The following ABHD12 variants were observed in gnomAD, a reference collection of about 807,000 sequenced individuals.
ABHD12 encodes the protein lysophosphatidylserine lipase ABHD12.
Under a neutral mutation model 58.3 loss-of-function variants are expected in ABHD12, and 43 were observed. That is an observed-to-expected ratio of 0.74 (90% CI 0.58 to 0.95). ABHD12 has a LOEUF of 0.95. Ranked by LOEUF, ABHD12 falls within the 40% of genes least tolerant of loss-of-function variation. The pLI is 0.00. For synonymous variants in ABHD12, 219 were observed against 211.2 expected (o/e 1.04, Z -0.32); for missense variants, 539 against 537.2 (o/e 1.00, Z -0.03).
chr20:25,377,767 G>A (rs1005792215), intron 1 of ABHD12, among the ~76,000 whole-genome samples: 22 of 152,096 alleles, frequency 1.4e-4, no homozygotes, highest in African/African-American at 4.8e-4. Context: ...GCGTGATCTC[G>A]GCTCACTGCA....
At chr20:25,369,911 TTC>T (rs1385446000) in intron 1 of ABHD12, among the ~76,000 whole-genome samples, 5 of 140,150 alleles carry the variant, frequency 3.6e-5, no homozygotes, top group African/African-American at 1.4e-4. Context: ...AAGACCCTGT[TTC>T]TCTGTCTCTG....
chr20:25,312,258 C>T (rs1006650691), intron 6 of ABHD12, among the ~76,000 whole-genome samples: 16 of 152,224 alleles, frequency 1.1e-4, no homozygotes, highest in African/African-American at 2.4e-4. Context: ...GCCGCCATCT[C>T]GGCTCACTGC....
rs752583566 is a variant in ABHD12, at chr20:25,306,926, G to C, written c.868-11C>G. On this transcript the variant is annotated splice_polypyrimidine_tract_variant and intron_variant, in intron 9 of 12. Coordinates refer to ENST00000339157, the MANE Select transcript of ABHD12 (RefSeq NM_001042472.3). ...GAAGTATCGATATATCTGGAGACAA[G>C]ATGGAAACCATTTTCAGAAGCGTTG... 6.3e-7 allele frequency: 1 copy of C among 1,590,308 alleles called. No homozygotes were observed. Among genetic ancestry groups the C allele is most frequent in the African/African-American group, 1.3e-5 (1 of 74,576 alleles).
Position 25,300,670 on chromosome 20 carries a change from G to A in ABHD12, c.*175C>T, listed in dbSNP as rs1156431071. On this transcript the variant is annotated 3_prime_UTR_variant, in exon 13 of 13. Coordinates refer to ENST00000339157, the MANE Select transcript of ABHD12 (RefSeq NM_001042472.3). ...CACACAGCCATGCTCAGGCCTCCGG[G>A]CACTGCAGGCCTGCAGGGGCCTCCC... 1.3e-6 allele frequency: 2 copies of A among 1,516,644 alleles called. No individual in the cohort carries two copies. Among genetic ancestry groups the A allele is most frequent in the Non-Finnish European group, 1.8e-6 (2 of 1,136,402 alleles). The allele number at this position is 1,516,644 out of a possible 1,614,324, so 93.9% of individuals were successfully genotyped here.
At chr20:25,345,208 C>T (rs1253536909) in intron 1 of ABHD12, among the ~76,000 whole-genome samples, 2 of 152,054 alleles carry the variant, frequency 1.3e-5, no homozygotes, top group Non-Finnish European at 2.9e-5. Flanking sequence ...GCCTCAGCCT[C>T]CTGAGCAGCT....
chr20:25,385,731 TAGAC>T (rs1329652811), intron 1 of ABHD12, among the ~76,000 whole-genome samples: 2 of 152,114 alleles, frequency 1.3e-5, no homozygotes, highest in African/African-American at 2.4e-5. Context: ...GCACCAGGCT[TAGAC>T]AGTTTTACAA....
chr20:25,296,396 C>T, downstream of ABHD12: 1 of 1,614,090 alleles, frequency 6.2e-7, no homozygotes, highest in Non-Finnish European at 8.5e-7. Context: ...CCAAGAAGGT[C>T]ATCAGGAACA....
At chr20:25,316,246 G>A (rs2088959723) in intron 5 of ABHD12, among the ~76,000 whole-genome samples, 2 of 152,084 alleles carry the variant, frequency 1.3e-5, no homozygotes, top group Non-Finnish European at 2.9e-5. Flanking sequence ...TGCAACCTCC[G>A]CCTCCCAGGT....
intron 1 of ABHD12, among the ~76,000 whole-genome samples, chr20:25,364,017 A>G (rs778402142): frequency 2.9e-4 from 44 of 152,198 alleles, no homozygotes; most frequent in Non-Finnish European, 2.1e-4. Flanking sequence ...CTAAGCCCTA[A>G]GGCTCCTTGT....
At chr20:25,326,629 T>C (rs2089181277) in intron 2 of ABHD12, among the ~76,000 whole-genome samples, 1 of 152,192 alleles carries the variant, frequency 6.6e-6, no homozygotes, top group Non-Finnish European at 1.5e-5. Flanking sequence ...TTTATGCAAA[T>C]AATCAGGCCA....
chr20:25,317,728 G>T (rs1003626304), intron 4 of ABHD12, among the ~76,000 whole-genome samples: 3 of 152,200 alleles, frequency 2.0e-5, no homozygotes, highest in African/African-American at 7.2e-5. Context: ...CGTGCATGTC[G>T]CTACTGAGAC....
At chr20:25,344,852 G>T (rs868116095) in intron 1 of ABHD12, among the ~76,000 whole-genome samples, 10 of 152,090 alleles carry the variant, frequency 6.6e-5, no homozygotes, top group African/African-American at 1.4e-4. Flanking sequence ...AACTATAGTC[G>T]ACTCATCTGT....
intron 1 of ABHD12, among the ~76,000 whole-genome samples, chr20:25,386,775 G>T (rs2090096821): frequency 6.6e-6 from 1 of 151,972 alleles, no homozygotes; most frequent in Non-Finnish European, 1.5e-5. Flanking sequence ...CAGCTACCCG[G>T]GAGGCTGAGG....
chr20:25,308,728 G>A (rs1031737613), intron 7 of ABHD12, among the ~76,000 whole-genome samples: 4 of 152,286 alleles, frequency 2.6e-5, no homozygotes, highest in Admixed American at 2.6e-4. Context: ...TGTCCCCGAG[G>A]TGTGTCCTGC....
Position 25,320,219 on chromosome 20 carries a change from C to G in ABHD12, c.522G>C (p.Leu174=), listed in dbSNP as rs2089040869. ...CTCACCTGGTACCTGCGTTCCCATG[C>G]AGGTACAGAATGATAGGGTGGCTGG... ...LASSHPIILY[L]HGNAGTRGGD... is the part of the protein sequence containing the mutation. The change falls in exon 4 of 13, where the codon CTG becomes CTC. Residue 174 remains leucine (L), a synonymous_variant. Coordinates refer to ENST00000339157, the MANE Select transcript of ABHD12 (RefSeq NM_001042472.3). The G allele has an allele frequency of 6.2e-7, 1 of 1,614,080 alleles. No homozygotes were observed.
In ABHD12 at chr20:25,323,305, C is replaced by G; in HGVS notation, c.422+20G>C. On this transcript the variant is annotated intron_variant, in intron 3 of 12. Transcript: ENST00000339157. Reference sequence around the variant, plus strand: ...TCCTTTCCTGCTGCTGGAGGGGCTGCAGAGCTCACTGGCACTCACCAGACT... The same window carrying G: ...TCCTTTCCTGCTGCTGGAGGGGCTGGAGAGCTCACTGGCACTCACCAGACT... 1 of 1,534,132 alleles carries G rather than the reference C, an allele frequency of 6.5e-7. No individual in the cohort carries two copies. Among genetic ancestry groups the G allele is most frequent in the Non-Finnish European group, 9.0e-7 (1 of 1,106,910 alleles).
chr20:25,387,944 G>A (rs541560725), intron 1 of ABHD12, among the ~76,000 whole-genome samples: 74 of 151,544 alleles, frequency 4.9e-4, no homozygotes, highest in Non-Finnish European at 9.3e-4. Context: ...AGGAGGCTGG[G>A]GCAGGAGAAT....
chr20:25,296,232 G>T, downstream of ABHD12: 3 of 1,058,878 alleles, frequency 2.8e-6, no homozygotes, highest in Non-Finnish European at 4.2e-6. Flanking sequence ...ACAAGTGATT[G>T]TAATGTCCTC....
chr20:25,351,488 T>C (rs2089599526), intron 1 of ABHD12, among the ~76,000 whole-genome samples: 1 of 152,250 alleles, frequency 6.6e-6, no homozygotes, highest in African/African-American at 2.4e-5. Flanking sequence ...TGCTTGACAG[T>C]CACTTGGCTG....
Sources: allele counts gnomAD v4.1 joint callset (sites outside exome capture counted in the v4.1 genomes callset), GRCh38; gene constraint gnomAD v4.1.1; transcripts MANE v1.5; gene names NCBI Gene and HGNC (gene_info 2026-07-23, HGNC 2026-07-21).